Variants in APLP2 observed in about 807,000 individuals in gnomAD.
APLP2 encodes the protein amyloid beta precursor like protein 2.
In APLP2, 53 loss-of-function variants were observed where a neutral mutation model predicts 89.9. The observed-to-expected ratio is 0.59, with a 90% CI of 0.47 to 0.74. APLP2 has a LOEUF of 0.74. Ranked by LOEUF, APLP2 falls within the 30% of genes least tolerant of loss-of-function variation. The pLI, the probability that APLP2 is intolerant of heterozygous loss-of-function variation, is 0.00. For synonymous variants in APLP2, 372 were observed against 348.6 expected (o/e 1.07, Z -0.75); for missense variants, 973 against 975.9 (o/e 1.00, Z 0.04).
intron 7 of APLP2, 59 bp from the exon 8 acceptor site, chr11:130,126,641 C>A (rs1461628243): frequency 2.7e-5 from 43 of 1,596,392 alleles, no homozygotes; most frequent in Non-Finnish European, 3.7e-5. Context: ...GCTGGGTTTT[C>A]TTCCTAGAGC....
At chr11:130,140,195 A>G (rs1267703094) in intron 13 of APLP2, among the ~76,000 whole-genome samples, 1 of 152,188 alleles carries the variant, frequency 6.6e-6, no homozygotes, top group East Asian at 1.9e-4. Context: ...CATTATACCC[A>G]TTGGTCTCTG....
chr11:130,122,254 C>CT lies in APLP2; in HGVS notation c.714-48dup, dbSNP rs774845490. Reference sequence around the variant, plus strand: ...AATAGAGAAGGGACCCATTGTTGTGCTTTGCACATAGGAGCTATTAACCTT... The same window carrying CT: ...AATAGAGAAGGGACCCATTGTTGTGCTTTTGCACATAGGAGCTATTAACCTT... On this transcript the variant is annotated intron_variant, in intron 5 of 16. Transcript: ENST00000338167. 2.1e-5 allele frequency: 33 copies of CT among 1,601,740 alleles called. No homozygotes were observed. In the East Asian group the frequency reaches 7.4e-4, roughly 36 times the overall value.
chr11:130,140,380 T>C lies in APLP2; in HGVS notation c.1838-18T>C, dbSNP rs1364826093. Reference sequence around the variant, plus strand: ...TGGGCCATCCTTGGGAACTCAGCCATGATCTCTCTCCACACAGGATCTGGA... The same window carrying C: ...TGGGCCATCCTTGGGAACTCAGCCACGATCTCTCTCCACACAGGATCTGGA... On this transcript the variant is annotated intron_variant, in intron 13 of 16. Transcript: ENST00000338167. The C allele has an allele frequency of 1.3e-6, 2 of 1,586,246 alleles. No individual in the cohort carries two copies. Among genetic ancestry groups the C allele is most frequent in the Non-Finnish European group, 1.7e-6 (2 of 1,167,954 alleles).
intron 11 of APLP2, among the ~76,000 whole-genome samples, chr11:130,131,977 G>A (rs1950980205): frequency 6.6e-6 from 1 of 152,170 alleles, no homozygotes; most frequent in Admixed American, 6.5e-5. Flanking sequence ...AAAATTTGCA[G>A]ATATTCAGCC....
chr11:130,108,196 A>G (rs1948055618), intron 1 of APLP2, among the ~76,000 whole-genome samples: 1 of 152,246 alleles, frequency 6.6e-6, no homozygotes, highest in African/African-American at 2.4e-5. Context: ...AATGGCAACC[A>G]AAGCCAAAAT....
chr11:130,130,074 C>G lies in APLP2; in HGVS notation c.1492C>G (p.Arg498Gly). The change falls in exon 11 of 17, where the codon CGT (arginine) becomes GGT (glycine). Residue 498 changes from arginine to glycine, a missense_variant. By Grantham distance (125) the Arg-to-Gly change is moderately radical (BLOSUM62 -2). Transcript: ENST00000338167. ...TCTCCAGGCCTTACGGCGTTATGTC[C>G]GTGCTGAGAACAAAGATCGCTTACA... ...RILQALRRYVRAENKDRLHTI... is the reference protein window; with the variant it reads ...RILQALRRYVGAENKDRLHTI... The G allele has an allele frequency of 1.2e-6, 2 of 1,614,196 alleles. No homozygotes were observed. The highest frequency in any genetic ancestry group is 1.3e-5 in the African/African-American group (1 of 75,056).
At chr11:130,091,318 C>T (rs1945105321) in intron 1 of APLP2, among the ~76,000 whole-genome samples, 1 of 139,480 alleles carries the variant, frequency 7.2e-6, no homozygotes, top group Non-Finnish European at 1.5e-5. Flanking sequence ...GGGCGGGGGG[C>T]TGACACCCCC....
intron 11 of APLP2, among the ~76,000 whole-genome samples, chr11:130,131,538 C>T (rs558233664): frequency 1.3e-5 from 2 of 152,216 alleles, no homozygotes; most frequent in South Asian, 4.1e-4. Flanking sequence ...CTGGTGTGGG[C>T]CTGGAGCTCA....
chr11:130,109,633 T>A (rs376966466), intron 2 of APLP2, 31 bp downstream of exon 2: 9 of 1,590,536 alleles, frequency 5.7e-6, no homozygotes, highest in Middle Eastern at 1.7e-4. Context: ...TTGAAAGTGT[T>A]ATTTTTCTGG....
At position 130,122,346 on chromosome 11, in the gene APLP2, C is replaced by T. The variant is rs747631507; in HGVS notation, c.755C>T (p.Ala252Val). The change falls in exon 6 of 17, where the codon GCA becomes GTA. Residue 252 changes from alanine (A) to valine (V), a missense_variant. Physicochemically the swap from Ala to Val is moderately conservative, Grantham distance 64. Coordinates refer to ENST00000338167, the MANE Select transcript of APLP2 (RefSeq NM_001142276.2). ...GCAGATCTGGAAGACTTCACAGAAG[C>T]AGCTGTGGATGAGGATGATGAGGAT... Reference protein sequence around the residue: ...TEADLEDFTEAAVDEDDEDEE... With the variant: ...TEADLEDFTEVAVDEDDEDEE... 3 of 1,614,038 alleles carry T rather than the reference C, an allele frequency of 1.9e-6. No individual in the cohort carries two copies. Among genetic ancestry groups the T allele is most frequent in the Non-Finnish European group, 2.5e-6 (3 of 1,179,994 alleles).
At chr11:130,088,097 G>T (rs988076702) in intron 1 of APLP2, among the ~76,000 whole-genome samples, 3 of 152,188 alleles carry the variant, frequency 2.0e-5, no homozygotes, top group African/African-American at 4.8e-5. Flanking sequence ...TGCTGAACTT[G>T]TCACAAAATG....
At chr11:130,134,150 A>G (rs73585143) in intron 12 of APLP2, among the ~76,000 whole-genome samples, 2,096 of 152,240 alleles carry the variant, frequency 0.014, 35 homozygotes, top group East Asian at 0.048. Flanking sequence ...CGTGCGTGTC[A>G]CAGAGTAAAA....
intron 13 of APLP2, among the ~76,000 whole-genome samples, chr11:130,138,165 A>G (rs1951857803): frequency 6.6e-6 from 1 of 152,180 alleles, no homozygotes; most frequent in African/African-American, 2.4e-5. Flanking sequence ...TCTTGTTCAT[A>G]ATGTGTTGTA....
intron 3 of APLP2, among the ~76,000 whole-genome samples, chr11:130,112,568 A>G (rs1948722745): frequency 6.6e-6 from 1 of 151,064 alleles, no homozygotes; most frequent in South Asian, 2.1e-4. Context: ...TTCCTAAGAC[A>G]CTCAGGGTGC....
intron 1 of APLP2, among the ~76,000 whole-genome samples, chr11:130,094,492 A>T (rs1402510129): frequency 6.6e-6 from 1 of 152,250 alleles, no homozygotes; most frequent in Non-Finnish European, 1.5e-5. Context: ...CCTGGCCGGG[A>T]TTTACTTCTA....
At chr11:130,131,562 C>CAA (rs536825269) in intron 11 of APLP2, among the ~76,000 whole-genome samples, 2 of 152,158 alleles carry the variant, frequency 1.3e-5, no homozygotes, top group Non-Finnish European at 2.9e-5. Flanking sequence ...CTTTGCTTCA[C>CAA]GCTGGATGTA....
chr11:130,126,275 A>G (rs1950356032), intron 7 of APLP2, among the ~76,000 whole-genome samples: 1 of 152,204 alleles, frequency 6.6e-6, no homozygotes, highest in South Asian at 2.1e-4. Context: ...AATTTCTTTA[A>G]AAATAAGGAA....
At chr11:130,070,511 C>T (rs895732987) in intron 1 of APLP2, 1 of 1,225,628 alleles carries the variant, frequency 8.2e-7, no homozygotes, top group South Asian at 3.3e-5. Context: ...TACGCTCCCT[C>T]GCGCGGCACC....
In APLP2 at chr11:130,135,702, A is replaced by G; in HGVS notation, c.1824A>G (p.Leu608=). 3 of 1,613,908 alleles carry G rather than the reference A, an allele frequency of 1.9e-6. No homozygotes were observed. The highest frequency in any genetic ancestry group is 2.2e-5 in the East Asian group (1 of 44,888). The change falls in exon 13 of 17, where the codon CTA becomes CTG. Residue 608 remains leucine, a synonymous_variant. Coordinates refer to ENST00000338167, the MANE Select transcript of APLP2 (RefSeq NM_001142276.2). ...PFHPFHPFPA[L]PENEGSGVGE... is the part of the protein sequence containing the mutation. ...ACCCCTTCCACCCCTTCCCAGCCCTACCTGAGAACGAAGGTGTGTATGGGC... is the reference window on the plus strand; with the variant it reads ...ACCCCTTCCACCCCTTCCCAGCCCTGCCTGAGAACGAAGGTGTGTATGGGC...
Sources: gnomAD v4.1 joint callset for allele counts (sites outside exome capture counted in the v4.1 genomes callset) on GRCh38, gnomAD v4.1.1 for gene constraint, MANE v1.5 for transcripts, NCBI Gene and HGNC (gene_info 2026-07-23, HGNC 2026-07-21) for gene names.